DLGAP1: variants seen among roughly 807,000 people sequenced by gnomAD.
DLGAP1 encodes the protein disks large-associated protein 1.
Under a neutral mutation model 90.8 loss-of-function variants are expected in DLGAP1, and 11 were observed. The observed-to-expected ratio is 0.12, with a 90% CI of 0.08 to 0.20. DLGAP1 has a LOEUF of 0.20. DLGAP1 is among the 10% of genes least tolerant of loss of function. The probability of loss-of-function intolerance (pLI) is 1.00; values close to 1 mark genes in which losing one functional copy is unlikely to be tolerated. For missense variants in DLGAP1, 1,050 were observed against 1,333.8 expected, an observed-to-expected ratio of 0.79 and a Z score of 3.31; for synonymous variants, 558 against 540.7, an observed-to-expected ratio of 1.03 and a Z score of -0.44.
chr18:4,185,435 A>T (rs1240797799), intron 1 of DLGAP1, among the ~76,000 whole-genome samples: 1 of 151,964 alleles, frequency 6.6e-6, no homozygotes, highest in Non-Finnish European at 1.5e-5. Context: ...AGTAGGCCCC[A>T]GTGTCTTTCA....
intron 1 of DLGAP1, among the ~76,000 whole-genome samples, chr18:4,433,556 A>G (rs942637885): frequency 2.6e-5 from 4 of 152,228 alleles, no homozygotes; most frequent in African/African-American, 9.6e-5. Context: ...TTAACATAGT[A>G]GGCACTGTTA....
At chr18:4,237,091 C>T (rs1256104569) in intron 1 of DLGAP1, among the ~76,000 whole-genome samples, 1 of 152,166 alleles carries the variant, frequency 6.6e-6, no homozygotes, top group Non-Finnish European at 1.5e-5. Flanking sequence ...TATCGAGTAG[C>T]TCAGTGTTAG....
intron 2 of DLGAP1, among the ~76,000 whole-genome samples, chr18:4,052,965 T>A (rs2075157788): frequency 6.6e-6 from 1 of 152,188 alleles, no homozygotes; most frequent in Non-Finnish European, 1.5e-5. Flanking sequence ...CATATCGCTA[T>A]CAGCATTTTG....
rs114120519 is a variant in DLGAP1 at position 3,953,996 on chromosome 18, G to A, written c.-73+51120C>T. ...CATCATCACCATCGGATTGTCCTGA[G>A]GAAGGGAAATCACTTCTAACATTAC... On this transcript the variant is annotated intron_variant, in intron 3 of 12. Transcript: ENST00000315677. 8.5e-3 allele frequency among the ~76,000 whole-genome samples: 1,298 copies of A among 152,242 alleles called. 17 individuals are homozygous for A. The highest frequency in any genetic ancestry group is 0.03 in the African/African-American group (1,247 of 41,548).
chr18:4,448,230 T>C (rs1040854936), intron 1 of DLGAP1, among the ~76,000 whole-genome samples: 1 of 152,168 alleles, frequency 6.6e-6, no homozygotes, highest in East Asian at 1.9e-4. Context: ...AATAAGTACA[T>C]TTGAGCACCA....
chr18:4,145,689 A>C (rs1029186136), intron 2 of DLGAP1, among the ~76,000 whole-genome samples: 2 of 152,230 alleles, frequency 1.3e-5, no homozygotes, highest in Admixed American at 1.3e-4. Flanking sequence ...GCATCTGGCA[A>C]ATTGGCTATG....
chr18:3,866,912 G>A (rs1051773567), intron 4 of DLGAP1, among the ~76,000 whole-genome samples: 3 of 152,198 alleles, frequency 2.0e-5, no homozygotes, highest in African/African-American at 7.2e-5. Flanking sequence ...GTGCAGTGGT[G>A]CTACCTTGGA....
intron 7 of DLGAP1, among the ~76,000 whole-genome samples, chr18:3,688,612 AAGACAC>A (rs1443536068): frequency 9.1e-4 from 115 of 126,352 alleles, no homozygotes; most frequent in Admixed American, 2.5e-3. Flanking sequence ...GTATTAAAAA[AAGACAC>A]ACACACACAC....
rs2055404805 is a variant in DLGAP1, at chr18:3,580,170, G to GTT, written c.1965+1704_1965+1705insAA. ...AATGTCTACAAAGAAAATACTTTCA[G>GTT]AAACCCTGATTTGAGCCAGACGTCC... On this transcript the variant is annotated intron_variant, in intron 8 of 12. Transcript: ENST00000315677. 11 of 1,385,598 alleles carry GTT rather than the reference G, an allele frequency of 7.9e-6. No individual in the cohort carries two copies. The South Asian group carries it at 1.2e-4, about 15-fold the overall frequency. The allele number at this position is 1,385,598 out of a possible 1,614,324, so 85.8% of individuals were successfully genotyped here.
chr18:3,582,243 A>G lies in DLGAP1; in HGVS notation c.1597T>C (p.Ser533Pro). 4 of 1,611,576 alleles carry G rather than the reference A, an allele frequency of 2.5e-6. No homozygotes were observed. The highest frequency in any genetic ancestry group is 3.4e-6 in the Non-Finnish European group (4 of 1,178,370). ...VRTIQSSTVS[S>P]CITTYKKTPP... Reference sequence around the variant, plus strand: ...GTCTTCTTATATGTTGTAATGCAAGATGACACTGGAAGACAGTGAAAACAA... The same window carrying G: ...GTCTTCTTATATGTTGTAATGCAAGGTGACACTGGAAGACAGTGAAAACAA... The change falls in exon 8 of 13, where the codon TCT (serine) becomes CCT (proline). Residue 533 changes from serine to proline, a missense_variant. By Grantham distance (74) the Ser-to-Pro change is moderately conservative. Coordinates refer to ENST00000315677, the MANE Select transcript of DLGAP1 (RefSeq NM_004746.4).
At chr18:3,976,591 C>G (rs1464408867) in intron 3 of DLGAP1, among the ~76,000 whole-genome samples, 1 of 151,918 alleles carries the variant, frequency 6.6e-6, no homozygotes, top group African/African-American at 2.4e-5. Context: ...TAAATCTATA[C>G]CTATGTCAAG....
intron 2 of DLGAP1, among the ~76,000 whole-genome samples, chr18:4,089,863 G>A (rs1363890624): frequency 6.6e-6 from 1 of 152,138 alleles, no homozygotes; most frequent in Admixed American, 6.5e-5. Flanking sequence ...GGCTAACACG[G>A]TGAAACCCCG....
chr18:3,877,016 C>T (rs1443416768), intron 4 of DLGAP1, among the ~76,000 whole-genome samples: 1 of 152,180 alleles, frequency 6.6e-6, no homozygotes, highest in Non-Finnish European at 1.5e-5. Context: ...ATCAAACATA[C>T]TTGAGCCTAA....
intron 7 of DLGAP1, among the ~76,000 whole-genome samples, chr18:3,584,806 C>A (rs960998977): frequency 3.9e-5 from 6 of 152,254 alleles, no homozygotes; most frequent in Admixed American, 3.3e-4. Flanking sequence ...GGTTGGAAGG[C>A]AGTGGCACGA....
chr18:4,172,655 C>T (rs1000117493), intron 1 of DLGAP1, among the ~76,000 whole-genome samples: 38 of 152,214 alleles, frequency 2.5e-4, no homozygotes, highest in African/African-American at 8.9e-4. Flanking sequence ...CTGAAATAAC[C>T]AATCACAGTT....
chr18:3,564,488 G>A (rs1259264515), intron 9 of DLGAP1, among the ~76,000 whole-genome samples: 4 of 152,180 alleles, frequency 2.6e-5, no homozygotes, highest in Non-Finnish European at 4.4e-5. Context: ...TTTCTGCTGC[G>A]TGCAGGCCCT....
Position 3,567,572 on chromosome 18 carries a change from C to T in DLGAP1, c.1975G>A (p.Ala659Thr). 6.2e-7 allele frequency: 1 copy of T among 1,613,870 alleles called. No individual in the cohort carries two copies. The highest frequency in any genetic ancestry group is 8.5e-7 in the Non-Finnish European group (1 of 1,179,854). ...CLSIGIQVDD[A>T]EEPDKTGENK... Reference sequence around the variant, plus strand: ...TCCCCTGTTTTGTCAGGTTCTTCAGCATCATCCACCTGGAGAAATCATCAA... The same window carrying T: ...TCCCCTGTTTTGTCAGGTTCTTCAGTATCATCCACCTGGAGAAATCATCAA... The change falls in exon 9 of 13, where the codon GCT becomes ACT. Residue 659 changes from alanine to threonine, a missense_variant. By Grantham distance (58) the Ala-to-Thr change is moderately conservative (BLOSUM62 0). Coordinates refer to ENST00000315677, the MANE Select transcript of DLGAP1 (RefSeq NM_004746.4).
chr18:3,583,184 A>ACCTT lies in DLGAP1; in HGVS notation c.1592-940_1592-937dup, dbSNP rs1194711711. On this transcript the variant is annotated intron_variant, in intron 7 of 12. Coordinates refer to ENST00000315677, the MANE Select transcript of DLGAP1 (RefSeq NM_004746.4). The stretch of plus-strand genomic sequence containing the variant: ...TACCTACCTACCTACCTACCTACCT[A>ACCTT]CCTTCCTTCCTTCCTTCCTTCCTTC... Among the ~76,000 whole-genome samples, 608 of 127,816 alleles carry ACCTT rather than the reference A, an allele frequency of 4.8e-3. 3 individuals are homozygous for ACCTT. The highest frequency in any genetic ancestry group is 0.013 in the African/African-American group (400 of 31,774). The allele number at this position is 127,816 out of a possible 152,430, so 83.9% of individuals were successfully genotyped here. A position where few individuals can be genotyped will look rare whatever the true frequency, so the allele number is the denominator to read the frequency against.
At chr18:3,604,395 G>A (rs1037947685) in intron 7 of DLGAP1, 5 of 152,036 alleles carry the variant, frequency 3.3e-5, no homozygotes, top group African/African-American at 1.2e-4. Flanking sequence ...GGAGTTACAT[G>A]TTTTTCTTGG....
Sources: allele counts gnomAD v4.1 joint callset (sites outside exome capture counted in the v4.1 genomes callset), GRCh38; gene constraint gnomAD v4.1.1; transcripts MANE v1.5; gene names NCBI Gene and HGNC (gene_info 2026-07-23, HGNC 2026-07-21).